The following WASHC2C variants were observed in gnomAD, a reference collection of about 807,000 sequenced individuals.
The protein encoded by WASHC2C is WASH complex subunit 2C.
Under a neutral mutation model 142.2 loss-of-function variants are expected in WASHC2C, and 73 were observed. The ratio of observed to expected loss-of-function variants is 0.51; its 90% confidence interval spans 0.43 to 0.62. The LOEUF (loss-of-function observed/expected upper bound fraction) is 0.62. Ranked by LOEUF, WASHC2C falls within the 20% of genes least tolerant of loss-of-function variation. The pLI is 0.00. For missense variants in WASHC2C, 969 were observed against 1,531.7 expected (o/e 0.63, Z 6.13); for synonymous variants, 337 against 565.5 (o/e 0.60, Z 5.73).
chr10:45,754,826 T>C, intron 14 of WASHC2C, 110 bp from the exon 15 acceptor site: 1 of 1,398,428 alleles, frequency 7.2e-7, no homozygotes. Context: ...GTTATGCATT[T>C]TGTGGATTAA....
intron 3 of WASHC2C, among the ~76,000 whole-genome samples, chr10:45,733,703 G>A (rs2805126): frequency 0.096 from 11,723 of 122,000 alleles, 225 homozygotes; most frequent in East Asian, 0.28. Flanking sequence ...GGCTGCTGAT[G>A]GGTAACCATG....
intron 3 of WASHC2C, among the ~76,000 whole-genome samples, chr10:45,731,769 G>A (rs1423230780): frequency 6.7e-6 from 1 of 148,686 alleles, no homozygotes; most frequent in Non-Finnish European, 1.5e-5. Context: ...TATACTTGCT[G>A]ATATATATTT....
rs781968329 is a variant in WASHC2C at position 45,784,557 on chromosome 10, G to T, written c.2479-8G>T. ...CTAATCACACATGACCTTCCCTCCT[G>T]TTCCCAGGGCTGCGATCCTGATGCC... is the stretch of plus-strand genomic sequence containing the variant. On this transcript the variant is annotated splice_polypyrimidine_tract_variant and splice_region_variant and intron_variant, in intron 23 of 30. Coordinates refer to ENST00000623400, the MANE Select transcript of WASHC2C (RefSeq NM_001330074.2). 4.3e-6 allele frequency: 7 copies of T among 1,611,052 alleles called. No homozygotes were observed. The highest frequency in any genetic ancestry group is 1.3e-5 in the African/African-American group (1 of 74,572).
chr10:45,771,886 T>G, intron 20 of WASHC2C: 1 of 749,636 alleles, frequency 1.3e-6, no homozygotes, highest in Non-Finnish European at 1.6e-6. Context: ...GACATAATAG[T>G]TTCATTCCTA....
intron 7 of WASHC2C, among the ~76,000 whole-genome samples, chr10:45,745,388 C>T (rs1403016801): frequency 1.3e-5 from 2 of 152,290 alleles, no homozygotes; most frequent in South Asian, 2.1e-4. Context: ...GAGTTTGAGT[C>T]TGTGGGCCTT....
At chr10:45,732,362 G>T (rs2050709933) in intron 3 of WASHC2C, among the ~76,000 whole-genome samples, 2 of 152,142 alleles carry the variant, frequency 1.3e-5, no homozygotes, top group South Asian at 4.1e-4. Flanking sequence ...ATTAGTAAAG[G>T]CTCAAGAGGG....
rs782537182 is a variant in WASHC2C, at chr10:45,787,207, A to G, written c.3047A>G (p.Asp1016Gly). Residue 1016 changes from aspartate (D) to glycine (G), a missense_variant, in exon 28 of 31, where the codon GAT (aspartate) becomes GGT (glycine). Physicochemically the swap from Asp to Gly is moderately conservative, Grantham distance 94 (BLOSUM62 -1). Coordinates refer to ENST00000623400, the MANE Select transcript of WASHC2C (RefSeq NM_001330074.2). ...PGSGEAGVSFDLPAQADTLHS... is the reference protein window; with the variant it reads ...PGSGEAGVSFGLPAQADTLHS... ...AGTGGGGAGGCCGGTGTGAGTTTTG[A>G]TCTTCCAGCTCAGGCAGACACCTTA... is the stretch of plus-strand genomic sequence containing the variant. 2.5e-4 allele frequency: 382 copies of G among 1,532,930 alleles called. 2 individuals are homozygous for G. Among genetic ancestry groups the G allele is most frequent in the South Asian group, 2.4e-5 (2 of 84,890 alleles). 95.0% of individuals were successfully genotyped at this position (1,532,930 alleles called of 1,614,324 possible).
chr10:45,728,596 G>A (rs1236705821), intron 2 of WASHC2C, among the ~76,000 whole-genome samples: 3 of 151,072 alleles, frequency 2.0e-5, no homozygotes, highest in African/African-American at 7.3e-5. Context: ...AAATTAGTTG[G>A]GCGTTGTGGC....
At chr10:45,767,394 A>G (rs1461051409) in intron 19 of WASHC2C, among the ~76,000 whole-genome samples, 2 of 150,278 alleles carry the variant, frequency 1.3e-5, no homozygotes, top group African/African-American at 4.9e-5. Flanking sequence ...AGCTGTGCTC[A>G]TGCCTTCACA....
intron 23 of WASHC2C, 67 bp from the exon 24 acceptor site, chr10:45,784,498 A>G: frequency 3.3e-6 from 5 of 1,517,772 alleles, no homozygotes; most frequent in Non-Finnish European, 4.4e-6. Context: ...CCATCTTTAC[A>G]TATGTAACTT....
chr10:45,731,420 C>T (rs2050566002), intron 3 of WASHC2C, among the ~76,000 whole-genome samples: 2 of 140,514 alleles, frequency 1.4e-5, no homozygotes, highest in South Asian at 2.4e-4. Context: ...GATGGGGTTT[C>T]ACCATGTTGG....
chr10:45,733,261 C>G (rs1446517757), intron 3 of WASHC2C, among the ~76,000 whole-genome samples: 2 of 152,242 alleles, frequency 1.3e-5, no homozygotes, highest in African/African-American at 2.4e-5. Context: ...TAAATCAAGC[C>G]CCATATTTTT....
chr10:45,789,111 G>A lies in WASHC2C; in HGVS notation c.3328G>A (p.Gly1110Arg). ...AAPWEGGPVPGVDTSPFAKSL... is the reference protein window; with the variant it reads ...AAPWEGGPVPRVDTSPFAKSL... Reference sequence around the variant, plus strand: ...ACCTTGGGAAGGTGGTCCTGTGCCTGGAGTGGACACAAGCCCCTTTGCAAA... The same window carrying A: ...ACCTTGGGAAGGTGGTCCTGTGCCTAGAGTGGACACAAGCCCCTTTGCAAA... The change falls in exon 29 of 31, where the codon GGA (glycine) becomes AGA (arginine). Residue 1110 changes from glycine (G) to arginine (R), a missense_variant. Physicochemically the swap from Gly to Arg is moderately radical, Grantham distance 125 (BLOSUM62 -2). Coordinates refer to ENST00000623400, the MANE Select transcript of WASHC2C (RefSeq NM_001330074.2). 6.2e-7 allele frequency: 1 copy of A among 1,612,086 alleles called. No individual in the cohort carries two copies. The highest frequency in any genetic ancestry group is 8.5e-7 in the Non-Finnish European group (1 of 1,179,868).
intron 12 of WASHC2C, 120 bp from the exon 13 acceptor site, chr10:45,753,060 G>T: frequency 1.3e-6 from 1 of 782,854 alleles, no homozygotes; most frequent in Non-Finnish European, 1.9e-6. Context: ...TGATTTTCTG[G>T]CAGAGTAGTA....
intron 18 of WASHC2C, among the ~76,000 whole-genome samples, chr10:45,764,670 A>G (rs2055574075): frequency 1.3e-5 from 2 of 152,192 alleles, no homozygotes; most frequent in Admixed American, 1.3e-4. Flanking sequence ...CCCTGGGTTC[A>G]TATCCCAGCT....
At chr10:45,747,341 A>C (rs1307321254) in intron 8 of WASHC2C, among the ~76,000 whole-genome samples, 8 of 151,984 alleles carry the variant, frequency 5.3e-5, no homozygotes, top group African/African-American at 1.9e-4. Flanking sequence ...ATGGGGTTTC[A>C]CCATGTTGGC....
At chr10:45,742,561 C>T (rs2052238296) in intron 5 of WASHC2C, among the ~76,000 whole-genome samples, 1 of 152,250 alleles carries the variant, frequency 6.6e-6, no homozygotes. Flanking sequence ...AGTGATCCAT[C>T]TGCCTCAGCC....
At chr10:45,774,133 A>G (rs2056880457) in intron 21 of WASHC2C, among the ~76,000 whole-genome samples, 1 of 89,898 alleles carries the variant, frequency 1.1e-5, no homozygotes, top group African/African-American at 4.4e-5. Context: ...TAAACTCCAA[A>G]CAAAAAATAT....
intron 23 of WASHC2C, among the ~76,000 whole-genome samples, chr10:45,784,293 C>CACACATATATATATAT (rs1305333868): frequency 6.3e-5 from 4 of 63,646 alleles, no homozygotes; most frequent in Admixed American, 2.2e-4. Flanking sequence ...TATATATACA[C>CACACATATATATATAT]ATATATATAT....
Sources: gnomAD v4.1 joint callset for allele counts (sites outside exome capture counted in the v4.1 genomes callset) on GRCh38, gnomAD v4.1.1 for gene constraint, MANE v1.5 for transcripts, NCBI Gene and HGNC (gene_info 2026-07-23, HGNC 2026-07-21) for gene names.